The following ELAVL4 variants were observed in gnomAD, a reference collection of about 807,000 sequenced individuals.
The protein encoded by ELAVL4 is ELAV like RNA binding protein 4.
In ELAVL4, 1 loss-of-function variant was observed where a neutral mutation model predicts 35.6. The observed-to-expected ratio is 0.03, with a 90% CI of 0.01 to 0.13. The LOEUF is 0.13. ELAVL4 is among the 10% of genes least tolerant of loss of function. The pLI, the probability that ELAVL4 is intolerant of heterozygous loss-of-function variation, is 1.00. For missense variants in ELAVL4, 267 were observed against 464.9 expected (o/e 0.57, Z 3.91); for synonymous variants, 156 against 171.0 (o/e 0.91, Z 0.69).
At chr1:50,182,478 A>G (rs1294802020) in intron 3 of ELAVL4, among the ~76,000 whole-genome samples, 1 of 152,176 alleles carries the variant, frequency 6.6e-6, no homozygotes, top group Non-Finnish European at 1.5e-5. Flanking sequence ...AGACATGCAA[A>G]GGACCAACTC....
At chr1:50,144,094 A>T (rs1368141014) in intron 1 of ELAVL4, among the ~76,000 whole-genome samples, 1 of 152,116 alleles carries the variant, frequency 6.6e-6, no homozygotes, top group African/African-American at 2.4e-5. Flanking sequence ...CCAGCTGTTT[A>T]CCTGTCTGTG....
At chr1:50,196,823 T>C (rs1169437269) in intron 5 of ELAVL4, among the ~76,000 whole-genome samples, 1 of 152,212 alleles carries the variant, frequency 6.6e-6, no homozygotes, top group Non-Finnish European at 1.5e-5. Flanking sequence ...GTGAATAGCT[T>C]GTCCCCAAGT....
At chr1:50,197,514 TG>T in intron 6 of ELAVL4, 47 bp downstream of exon 6, 1 of 1,491,038 alleles carries the variant, frequency 6.7e-7, no homozygotes, top group Non-Finnish European at 8.9e-7. Context: ...TGGCACAGAC[TG>T]GGGCTAGAAT....
chr1:50,190,925 TCCA>T (rs1682572383), intron 3 of ELAVL4, among the ~76,000 whole-genome samples: 1 of 152,210 alleles, frequency 6.6e-6, no homozygotes, highest in Admixed American at 6.5e-5. Context: ...ATTACCTGAC[TCCA>T]CCACCACCTT....
In ELAVL4 at chr1:50,184,177, AG is replaced by A. The variant is rs1191964619; in HGVS notation, c.354+6986del. Among the ~76,000 whole-genome samples, 8 of 152,296 alleles carry A rather than the reference AG, an allele frequency of 5.3e-5. No homozygotes were observed. In the Middle Eastern group the frequency reaches 0.01, roughly 194 times the overall value. ...TTTCAAATACAAGGATAGGAGTTGG[AG>A]AAATGGAAATACAATTCCCCTCTTC... is the stretch of plus-strand genomic sequence containing the variant. On this transcript the variant is annotated intron_variant, in intron 3 of 6. Transcript: ENST00000371824.
At chr1:50,185,179 A>G (rs976055907) in intron 3 of ELAVL4, among the ~76,000 whole-genome samples, 2 of 152,232 alleles carry the variant, frequency 1.3e-5, no homozygotes, top group Non-Finnish European at 2.9e-5. Flanking sequence ...GCCTCTGGGC[A>G]GGATGGCTGG....
chr1:50,178,104 C>T (rs1178014525), intron 3 of ELAVL4, among the ~76,000 whole-genome samples: 1 of 152,216 alleles, frequency 6.6e-6, no homozygotes, highest in African/African-American at 2.4e-5. Flanking sequence ...TCCCTTTCTT[C>T]CCCTACCTCC....
chr1:50,137,666 G>A lies in ELAVL4; in HGVS notation c.10-7291G>A, dbSNP rs140918168. On this transcript the variant is annotated intron_variant, in intron 1 of 6. Coordinates refer to ENST00000371824, the MANE Select transcript of ELAVL4 (RefSeq NM_001144774.3). Reference sequence around the variant, plus strand: ...TTTCCTAGTCACAAGACATGCTGCTGTCTCTTCTCTGACATGTGGACCCTT... The same window carrying A: ...TTTCCTAGTCACAAGACATGCTGCTATCTCTTCTCTGACATGTGGACCCTT... Among the ~76,000 whole-genome samples the A allele has an allele frequency of 4.0e-3, 609 of 152,268 alleles. 4 individuals are homozygous for A. The highest frequency in any genetic ancestry group is 5.2e-3 in the Non-Finnish European group (355 of 68,014).
chr1:50,195,515 A>G (rs768965696), intron 4 of ELAVL4, 46 bp from the exon 5 acceptor site: 1 of 1,598,472 alleles, frequency 6.3e-7, no homozygotes, highest in Admixed American at 1.7e-5. Context: ...GATGTTTACC[A>G]GTTTGGTGTG....
At position 50,114,458 on chromosome 1, in the gene ELAVL4, T is replaced by TA. The variant is rs1019557993; in HGVS notation, c.9+5270dup. On this transcript the variant is annotated intron_variant, in intron 1 of 6. Transcript: ENST00000371824. ...TTATAGGTCACTGGCTTTCTAAGGG[T>TA]AAAAAAAAAAGAAAAGGTGATCTGT... Among the ~76,000 whole-genome samples, 438 of 145,878 alleles carry TA rather than the reference T, an allele frequency of 3.0e-3. 2 individuals carry two copies. The highest frequency in any genetic ancestry group is 6.6e-3 in the Admixed American group (96 of 14,586).
intron 1 of ELAVL4, among the ~76,000 whole-genome samples, chr1:50,067,485 G>A (rs1014625415): frequency 6.6e-6 from 1 of 152,156 alleles, no homozygotes; most frequent in African/African-American, 2.4e-5. Context: ...GAAGATATAT[G>A]TATGTATATA....
chr1:50,081,247 G>A (rs534106800), intron 1 of ELAVL4, among the ~76,000 whole-genome samples: 1 of 152,282 alleles, frequency 6.6e-6, no homozygotes, highest in South Asian at 2.1e-4. Flanking sequence ...AAATTTGAAT[G>A]TGGCAAGGCA....
chr1:50,186,625 GAC>G (rs1681864523), intron 3 of ELAVL4, among the ~76,000 whole-genome samples: 1 of 151,384 alleles, frequency 6.6e-6, no homozygotes, highest in African/African-American at 2.4e-5. Context: ...GCAAAACAAA[GAC>G]ATAGAAATAG....
intron 1 of ELAVL4, chr1:50,141,753 T>C (rs1471496359): frequency 3.9e-5 from 6 of 152,256 alleles, no homozygotes; most frequent in Non-Finnish European, 8.8e-5. Context: ...TTTTGCTTTC[T>C]CCTTGCTGTC....
chr1:50,074,396 A>G (rs1664668072), intron 1 of ELAVL4, among the ~76,000 whole-genome samples: 1 of 152,176 alleles, frequency 6.6e-6, no homozygotes, highest in African/African-American at 2.4e-5. Flanking sequence ...TACAATAATA[A>G]TGACAATAAT....
At chr1:50,082,665 A>G (rs979352603) in intron 1 of ELAVL4, among the ~76,000 whole-genome samples, 2 of 152,134 alleles carry the variant, frequency 1.3e-5, no homozygotes, top group African/African-American at 4.8e-5. Context: ...GATTTTACCT[A>G]TTCTCATCTA....
intron 1 of ELAVL4, among the ~76,000 whole-genome samples, chr1:50,113,155 G>T (rs1327956533): frequency 1.3e-5 from 2 of 151,816 alleles, no homozygotes; most frequent in Non-Finnish European, 2.9e-5. Flanking sequence ...ACTTGTGGAT[G>T]AATTGAGATG....
At chr1:50,165,477 CAT>C (rs1677606549) in intron 2 of ELAVL4, among the ~76,000 whole-genome samples, 1 of 150,010 alleles carries the variant, frequency 6.7e-6, no homozygotes, top group African/African-American at 2.4e-5. Context: ...CACACACTCA[CAT>C]ATATATGTGT....
At chr1:50,195,893 C>A in intron 5 of ELAVL4, 107 bp downstream of exon 5, 2 of 1,293,302 alleles carry the variant, frequency 1.5e-6, no homozygotes, top group Middle Eastern at 1.9e-4. Flanking sequence ...AAAGCTTCCA[C>A]CCCCAGGAAT....
Sources: allele counts gnomAD v4.1 joint callset (sites outside exome capture counted in the v4.1 genomes callset), GRCh38; gene constraint gnomAD v4.1.1; transcripts MANE v1.5; gene names NCBI Gene and HGNC (gene_info 2026-07-23, HGNC 2026-07-21).